ARMH1: variants seen among roughly 807,000 people sequenced by gnomAD.
ARMH1 encodes the protein armadillo-like helical domain containing protein 1.
In ARMH1, 34 loss-of-function variants were observed where a neutral mutation model predicts 50.2. The observed-to-expected ratio is 0.68, with a 90% CI of 0.51 to 0.90. The LOEUF (loss-of-function observed/expected upper bound fraction) is 0.90, where lower values mean the gene tolerates loss of function less well. Ranked by LOEUF, ARMH1 falls within the 40% of genes least tolerant of loss-of-function variation. The pLI is 0.00. For missense variants in ARMH1, 538 were observed against 553.9 expected, an observed-to-expected ratio of 0.97 and a Z score of 0.29; for synonymous variants, 221 against 224.2, an observed-to-expected ratio of 0.99 and a Z score of 0.13.
At chr1:44,719,193 A>AT in intron 6 of ARMH1, among the ~76,000 whole-genome samples, 2 of 151,316 alleles carry the variant, frequency 1.3e-5, no homozygotes, top group Middle Eastern at 6.8e-3. Flanking sequence ...CCTCCAGGTG[A>AT]TTTTTTAATT....
intron 1 of ARMH1, among the ~76,000 whole-genome samples, chr1:44,677,193 C>G (rs1057493479): frequency 6.6e-6 from 1 of 152,104 alleles, no homozygotes; most frequent in African/African-American, 2.4e-5. Context: ...TGGAGAGTGG[C>G]AGTGAGATGA....
rs1645369831 is a variant in ARMH1, at chr1:44,683,287, C to A, written c.-22-6389C>A. On this transcript the variant is annotated intron_variant, in intron 1 of 11. Coordinates refer to ENST00000535358, the MANE Select transcript of ARMH1 (RefSeq NM_001145636.2). The surrounding 1 kb of genome is among the most constrained non-coding windows in gnomAD (Gnocchi z 4.2). The stretch of plus-strand genomic sequence containing the variant: ...GTTTGGGACCTGTTGACTTGAGGAG[C>A]CTGTGACACATACCAGTGAAGAGTC... 6.6e-6 allele frequency among the ~76,000 whole-genome samples: 1 copy of A among 152,170 alleles called. No homozygotes were observed. The highest frequency in any genetic ancestry group is 2.4e-5 in the African/African-American group (1 of 41,428).
intron 6 of ARMH1, among the ~76,000 whole-genome samples, chr1:44,712,406 C>A (rs965546202): frequency 2.0e-5 from 3 of 151,864 alleles, no homozygotes; most frequent in African/African-American, 7.3e-5. Context: ...TGCAGTGAGC[C>A]GAGATCGTGC....
chr1:44,707,173 G>T (rs539151134), intron 6 of ARMH1, among the ~76,000 whole-genome samples: 2 of 148,436 alleles, frequency 1.3e-5, no homozygotes, highest in African/African-American at 5.0e-5. Context: ...TGCAATTTCA[G>T]CTCAGCCATC....
intron 6 of ARMH1, chr1:44,721,808 A>AC (rs1647210419): frequency 7.0e-6 from 1 of 142,100 alleles, no homozygotes; most frequent in South Asian, 2.1e-4. Flanking sequence ...GCAAGACTTC[A>AC]AAAAATTTAA....
chr1:44,721,563 C>G (rs191447028), intron 6 of ARMH1, among the ~76,000 whole-genome samples: 1 of 151,708 alleles, frequency 6.6e-6, no homozygotes, highest in Admixed American at 6.6e-5. Context: ...TTACAAGAAG[C>G]TAAAAAAACA....
At chr1:44,687,153 C>T (rs1645499214) in intron 1 of ARMH1, among the ~76,000 whole-genome samples, 1 of 152,138 alleles carries the variant, frequency 6.6e-6, no homozygotes, top group African/African-American at 2.4e-5. Flanking sequence ...GCTGAGATTA[C>T]AGTGTCACAG....
intron 6 of ARMH1, among the ~76,000 whole-genome samples, chr1:44,705,809 G>C (rs1232732924): frequency 6.6e-6 from 1 of 152,110 alleles, no homozygotes; most frequent in African/African-American, 2.4e-5. Flanking sequence ...ATTTTCAACA[G>C]GAGGAGATTA....
chr1:44,676,862 G>A (rs1162341970), intron 1 of ARMH1, among the ~76,000 whole-genome samples: 1 of 152,210 alleles, frequency 6.6e-6, no homozygotes, highest in Non-Finnish European at 1.5e-5. Context: ...TGGAAGAAAT[G>A]TTGATGTGGA....
intron 6 of ARMH1, among the ~76,000 whole-genome samples, chr1:44,710,519 G>C (rs1008093193): frequency 1.3e-5 from 2 of 149,406 alleles, no homozygotes; most frequent in Admixed American, 6.7e-5. Context: ...TGAGGCAGGA[G>C]AATGGCGTGA....
At chr1:44,720,693 T>C (rs774768804) in intron 6 of ARMH1, among the ~76,000 whole-genome samples, 4 of 152,066 alleles carry the variant, frequency 2.6e-5, no homozygotes, top group Admixed American at 6.6e-5. Flanking sequence ...TTCCTGAAAG[T>C]TGATTTCTCA....
intron 6 of ARMH1, among the ~76,000 whole-genome samples, 175 bp downstream of exon 6, chr1:44,704,348 G>T (rs1193225828): frequency 6.6e-6 from 1 of 152,172 alleles, no homozygotes; most frequent in Admixed American, 6.6e-5. Flanking sequence ...CAACCACAGG[G>T]TGCCTAGGGT....
intron 6 of ARMH1, among the ~76,000 whole-genome samples, chr1:44,714,918 C>T (rs1050149352): frequency 6.6e-6 from 1 of 151,534 alleles, no homozygotes; most frequent in African/African-American, 2.4e-5. Context: ...AACAGTTTTA[C>T]TGTTTCCCAG....
chr1:44,713,122 A>G (rs1324339656), intron 6 of ARMH1, among the ~76,000 whole-genome samples: 1 of 101,026 alleles, frequency 9.9e-6, no homozygotes, highest in African/African-American at 4.1e-5. Context: ...TTTTTTTGAG[A>G]CAGTCTTGCT....
chr1:44,722,455 A>T (rs573604853), intron 6 of ARMH1, among the ~76,000 whole-genome samples: 358 of 151,698 alleles, frequency 2.4e-3, no homozygotes, highest in Admixed American at 4.6e-3. Flanking sequence ...TAATCCCAGC[A>T]CTTTGGGAGG....
chr1:44,675,697 C>T (rs1645115073), intron 1 of ARMH1, among the ~76,000 whole-genome samples: 1 of 150,688 alleles, frequency 6.6e-6, no homozygotes, highest in African/African-American at 2.4e-5. Flanking sequence ...TGGTGTCTCA[C>T]CCCTGTAATC....
intron 6 of ARMH1, among the ~76,000 whole-genome samples, chr1:44,711,366 G>T (rs974239311): frequency 1.3e-5 from 2 of 152,166 alleles, no homozygotes; most frequent in Admixed American, 6.5e-5. Flanking sequence ...TTGTTATTCT[G>T]GGGATTCTTT....
At chr1:44,691,542 C>T (rs1232724669) in intron 2 of ARMH1, among the ~76,000 whole-genome samples, 4 of 152,114 alleles carry the variant, frequency 2.6e-5, no homozygotes, top group Non-Finnish European at 4.4e-5. Context: ...ATGCATTTCC[C>T]GCTCTTCTTC....
chr1:44,686,002 TC>T (rs1645460718), intron 1 of ARMH1, among the ~76,000 whole-genome samples: 1 of 152,180 alleles, frequency 6.6e-6, no homozygotes, highest in African/African-American at 2.4e-5. Flanking sequence ...TTTTAGACTT[TC>T]CAGGACAAAA....
Sources: gnomAD v4.1 joint callset for allele counts (sites outside exome capture counted in the v4.1 genomes callset) on GRCh38, gnomAD v4.1.1 for gene constraint, Gnocchi (gnomAD v3.1) non-coding constraint, MANE v1.5 for transcripts, NCBI Gene and HGNC (gene_info 2026-07-23, HGNC 2026-07-21) for gene names.